Variants in PHF21B observed in about 807,000 individuals in gnomAD.
PHF21B encodes PHD finger protein 21B.
PHF21B carries 22 observed loss-of-function variants against 62.2 expected under a neutral mutation model. That is an observed-to-expected ratio of 0.35 (90% CI 0.25 to 0.51). The LOEUF (loss-of-function observed/expected upper bound fraction) is 0.51. PHF21B is among the 20% of genes least tolerant of loss of function. The probability of loss-of-function intolerance (pLI) is 0.97; values close to 1 mark genes in which losing one functional copy is unlikely to be tolerated. For missense variants in PHF21B, 701 were observed against 707.9 expected (o/e 0.99, Z 0.11); for synonymous variants, 341 against 314.7 (o/e 1.08, Z -0.88).
intron 2 of PHF21B, among the ~76,000 whole-genome samples, chr22:44,976,640 T>C (rs984052131): frequency 4.6e-5 from 7 of 152,072 alleles, no homozygotes; most frequent in African/African-American, 1.7e-4. Context: ...TCCCTGGAGG[T>C]CCTTGTATGT....
chr22:44,912,494 C>A (rs151055338), intron 5 of PHF21B, among the ~76,000 whole-genome samples: 1 of 151,950 alleles, frequency 6.6e-6, no homozygotes, highest in Non-Finnish European at 1.5e-5. Flanking sequence ...CTCACAAGAT[C>A]TGATGTGTTT....
chr22:44,941,640 G>C (rs944045757), intron 2 of PHF21B, among the ~76,000 whole-genome samples: 1 of 152,208 alleles, frequency 6.6e-6, no homozygotes, highest in African/African-American at 2.4e-5. Context: ...AGGGGGATGG[G>C]GCAGGGGTGG....
intron 2 of PHF21B, among the ~76,000 whole-genome samples, chr22:44,925,881 A>G (rs2071619657): frequency 6.6e-6 from 1 of 152,210 alleles, no homozygotes; most frequent in African/African-American, 2.4e-5. Context: ...CCTGCCAGCC[A>G]GTGCCATTTA....
At chr22:44,930,399 T>C (rs1434269036) in intron 2 of PHF21B, among the ~76,000 whole-genome samples, 2 of 152,186 alleles carry the variant, frequency 1.3e-5, no homozygotes, top group African/African-American at 4.8e-5. Flanking sequence ...ATAGGGCCCT[T>C]TGTATATTTT....
At chr22:44,973,373 CT>C (rs1438264689) in intron 2 of PHF21B, among the ~76,000 whole-genome samples, 1 of 152,218 alleles carries the variant, frequency 6.6e-6, no homozygotes, top group African/African-American at 2.4e-5. Flanking sequence ...AAATCAGTGA[CT>C]TTTCTTAGAA....
chr22:44,884,776 TCACCAC>T lies in PHF21B; in HGVS notation c.1377+644_1377+649del, dbSNP rs551709304. ...ACCACCATCATTACCACCATCACCA[TCACCAC>T]CACCATTACGACCAACACCATATCA... On this transcript the variant is annotated intron_variant, in intron 12 of 12. Transcript: ENST00000313237. 2.2e-3 allele frequency among the ~76,000 whole-genome samples: 324 copies of T among 150,030 alleles called. 1 individual carries two copies. The highest frequency in any genetic ancestry group is 2.3e-3 in the Non-Finnish European group (156 of 67,566).
At chr22:44,961,672 C>A (rs192981474) in intron 2 of PHF21B, among the ~76,000 whole-genome samples, 1 of 152,016 alleles carries the variant, frequency 6.6e-6, no homozygotes, top group African/African-American at 2.4e-5. Context: ...GAAACCCAGT[C>A]TCTACTAAAA....
chr22:44,943,725 C>T (rs1281113667), intron 2 of PHF21B, among the ~76,000 whole-genome samples: 1 of 152,148 alleles, frequency 6.6e-6, no homozygotes, highest in Non-Finnish European at 1.5e-5. Flanking sequence ...GACTCCTGGG[C>T]CGTGTGACAC....
intron 5 of PHF21B, among the ~76,000 whole-genome samples, chr22:44,898,576 A>G (rs1235110660): frequency 6.6e-6 from 1 of 152,186 alleles, no homozygotes; most frequent in African/African-American, 2.4e-5. Context: ...GTTGCCATGC[A>G]TCTAGATTTT....
At chr22:44,889,882 C>T in intron 8 of PHF21B, 100 bp from the exon 9 acceptor site, 2 of 1,282,292 alleles carry the variant, frequency 1.6e-6, no homozygotes, top group Non-Finnish European at 1.0e-6. Context: ...GGGCTCTTAC[C>T]CCAGGGCATG....
At chr22:44,949,339 T>G (rs1249784563) in intron 2 of PHF21B, among the ~76,000 whole-genome samples, 1 of 147,828 alleles carries the variant, frequency 6.8e-6, no homozygotes, top group East Asian at 2.0e-4. Flanking sequence ...AAAAGAGAGC[T>G]GAGGTAGGTG....
chr22:44,972,154 T>G (rs2072651016), intron 2 of PHF21B, among the ~76,000 whole-genome samples: 1 of 152,218 alleles, frequency 6.6e-6, no homozygotes, highest in Non-Finnish European at 1.5e-5. Flanking sequence ...GAATGAGAGA[T>G]AAAGGCTTGG....
At chr22:44,923,657 A>T (rs2071577322) in intron 2 of PHF21B, among the ~76,000 whole-genome samples, 1 of 152,096 alleles carries the variant, frequency 6.6e-6, no homozygotes, top group Non-Finnish European at 1.5e-5. Flanking sequence ...AACTCTTAAA[A>T]CTCAATAATC....
chr22:44,954,819 G>A (rs1001825835), intron 2 of PHF21B, among the ~76,000 whole-genome samples: 6 of 152,174 alleles, frequency 3.9e-5, no homozygotes, highest in Admixed American at 2.0e-4. Context: ...GTCTGGCCCC[G>A]CTGGAAGACA....
chr22:44,888,720 C>T (rs553457126), intron 9 of PHF21B, among the ~76,000 whole-genome samples: 3 of 152,342 alleles, frequency 2.0e-5, no homozygotes, highest in Admixed American at 6.5e-5. Flanking sequence ...CACAAGGACA[C>T]TGGATGTCCC....
In PHF21B at chr22:44,925,815, TCCC is replaced by T. The variant is rs1028190102; in HGVS notation, c.121-5328_121-5326del. ...TTACCTCGAACTCCACGACCAGTGT[TCCC>T]CCAACTTCCACAAAGCAAGGTGTGT... On this transcript the variant is annotated intron_variant, in intron 2 of 12. Coordinates refer to ENST00000313237, the MANE Select transcript of PHF21B (RefSeq NM_138415.5). Among the ~76,000 whole-genome samples, 18 of 152,104 alleles carry T rather than the reference TCCC, an allele frequency of 1.2e-4. No individual in the cohort carries two copies. The East Asian group carries it at 3.3e-3, about 28-fold the overall frequency.
chr22:44,986,778 A>G (rs1266993941), intron 2 of PHF21B, among the ~76,000 whole-genome samples: 1 of 151,722 alleles, frequency 6.6e-6, no homozygotes, highest in Non-Finnish European at 1.5e-5. Context: ...GTGTTCCTGG[A>G]GCTGGGGAGA....
intron 2 of PHF21B, among the ~76,000 whole-genome samples, chr22:44,990,894 C>T (rs531083266): frequency 2.0e-5 from 3 of 152,232 alleles, no homozygotes; most frequent in Admixed American, 6.5e-5. Context: ...GGAGTGTGAC[C>T]GAGGAAAAAA....
intron 2 of PHF21B, among the ~76,000 whole-genome samples, chr22:44,975,352 G>C (rs907439543): frequency 3.3e-5 from 5 of 152,078 alleles, no homozygotes; most frequent in African/African-American, 1.2e-4. Context: ...GGAGCAGGAA[G>C]CGCCTTTGGG....
Sources: gnomAD v4.1 joint callset for allele counts (sites outside exome capture counted in the v4.1 genomes callset) on GRCh38, gnomAD v4.1.1 for gene constraint, MANE v1.5 for transcripts, NCBI Gene and HGNC (gene_info 2026-07-23, HGNC 2026-07-21) for gene names.